Variants in TAF4B observed in about 807,000 individuals in gnomAD.
TAF4B encodes the protein TATA-box binding protein associated factor 4b.
TAF4B carries 38 observed loss-of-function variants against 86.4 expected under a neutral mutation model. That is an observed-to-expected ratio of 0.44 (90% confidence interval 0.34 to 0.58). The LOEUF (loss-of-function observed/expected upper bound fraction) is 0.58, where lower values mean the gene tolerates loss of function less well. Among genes scored for constraint, TAF4B ranks in the 20% least tolerant of loss-of-function variants. The pLI is 0.02. For missense variants in TAF4B, 988 were observed against 1,027.6 expected (o/e 0.96, Z 0.53); for synonymous variants, 388 against 391.2 (o/e 0.99, Z 0.10).
At chr18:26,256,495 C>T (rs1443622514) in intron 1 of TAF4B, 2 of 610,980 alleles carry the variant, frequency 3.3e-6, no homozygotes, top group Non-Finnish European at 5.8e-6. Flanking sequence ...AGTTGTTTTT[C>T]TATTCTCTAT....
chr18:26,351,112 A>AC (rs1316656719), intron 13 of TAF4B, among the ~76,000 whole-genome samples: 1 of 152,194 alleles, frequency 6.6e-6, no homozygotes, highest in African/African-American at 2.4e-5. Context: ...TGTGGAATCA[A>AC]CCCAGGTGTT....
intron 14 of TAF4B, among the ~76,000 whole-genome samples, chr18:26,381,916 G>T (rs551193784): frequency 2.6e-5 from 4 of 151,518 alleles, no homozygotes; most frequent in Non-Finnish European, 4.4e-5. Context: ...AATAAAAATG[G>T]TTTTTTTATG....
intron 5 of TAF4B, among the ~76,000 whole-genome samples, chr18:26,278,379 A>G (rs2056407802): frequency 6.6e-6 from 1 of 152,154 alleles, no homozygotes; most frequent in East Asian, 1.9e-4. Context: ...ATACTAGCTC[A>G]CTGCAGCCTC....
chr18:26,274,656 A>G lies in TAF4B; in HGVS notation c.598-7A>G, dbSNP rs2056360632. On this transcript the variant is annotated splice_region_variant and splice_polypyrimidine_tract_variant and intron_variant, in intron 3 of 14. Transcript: ENST00000269142. ...CATGCCTAAATATTTAATACCTTTA[A>G]TTTCAGTCTGTGGCTGTGCCAACCA... 1 of 1,614,102 alleles carries G rather than the reference A, an allele frequency of 6.2e-7. No homozygotes were observed. Among genetic ancestry groups the G allele is most frequent in the Non-Finnish European group, 8.5e-7 (1 of 1,179,984 alleles).
At chr18:26,297,189 G>T (rs1198339229) in intron 9 of TAF4B, among the ~76,000 whole-genome samples, 1 of 151,718 alleles carries the variant, frequency 6.6e-6, no homozygotes, top group Non-Finnish European at 1.5e-5. Context: ...TTTATTTGGG[G>T]AGAAAGAATT....
chr18:26,271,056 A>G (rs1321941808), intron 3 of TAF4B, among the ~76,000 whole-genome samples: 1 of 152,232 alleles, frequency 6.6e-6, no homozygotes, highest in African/African-American at 2.4e-5. Flanking sequence ...GGAAATTAGT[A>G]AAGAATGAAG....
intron 9 of TAF4B, among the ~76,000 whole-genome samples, chr18:26,297,237 G>T (rs1233197215): frequency 1.3e-5 from 2 of 152,060 alleles, no homozygotes; most frequent in Non-Finnish European, 2.9e-5. Flanking sequence ...ATCATCTCTG[G>T]TATGTCCGAA....
In TAF4B at chr18:26,293,529, C is replaced by A; in HGVS notation, c.1830C>A (p.Phe610Leu). The A allele has an allele frequency of 1.3e-6, 2 of 1,544,174 alleles. No homozygotes were observed. Among genetic ancestry groups the A allele is most frequent in the South Asian group, 1.2e-5 (1 of 80,314 alleles). The change falls in exon 9 of 15, where the codon TTC becomes TTA. Residue 610 changes from phenylalanine (F) to leucine (L), a missense_variant and splice_region_variant. Around this residue, in one of 3 missense-constraint regions of TAF4B, gnomAD observed 747 missense variants for 737.9 expected, o/e 1.01. Transcript: ENST00000269142. The part of the protein sequence containing the change: ...NRIKENVTSC[F>L]RDEDDINDVT... ...TAAAAGAGAATGTAACATCATGCTT[C>A]CGGTAAGAAAATAAATAGTTAAATT...
chr18:26,242,028 G>T (rs1157489561), intron 1 of TAF4B, among the ~76,000 whole-genome samples: 1 of 152,200 alleles, frequency 6.6e-6, no homozygotes, highest in African/African-American at 2.4e-5. Context: ...TTTGGAATAA[G>T]TGCTACGTGG....
intron 14 of TAF4B, among the ~76,000 whole-genome samples, chr18:26,365,836 C>A (rs1194996337): frequency 6.6e-6 from 1 of 152,150 alleles, no homozygotes; most frequent in Non-Finnish European, 1.5e-5. Flanking sequence ...ATCACCCAGG[C>A]TGGAGAGCAG....
At chr18:26,347,877 A>C (rs138063217) in intron 13 of TAF4B, among the ~76,000 whole-genome samples, 1 of 152,362 alleles carries the variant, frequency 6.6e-6, no homozygotes, top group Non-Finnish European at 1.5e-5. Context: ...ACAATTGTGA[A>C]TATATATGTG....
chr18:26,364,117 A>G (rs2057351556), intron 14 of TAF4B, among the ~76,000 whole-genome samples: 1 of 152,204 alleles, frequency 6.6e-6, no homozygotes. Context: ...TATAATTTAT[A>G]TATTAACCTA....
intron 11 of TAF4B, among the ~76,000 whole-genome samples, chr18:26,326,811 A>G (rs2057008559): frequency 6.6e-6 from 1 of 152,158 alleles, no homozygotes; most frequent in South Asian, 2.1e-4. Context: ...TCATCTCTCA[A>G]ATTTTAAGAA....
chr18:26,243,429 C>T (rs928965156), intron 1 of TAF4B, among the ~76,000 whole-genome samples: 3 of 152,168 alleles, frequency 2.0e-5, no homozygotes, highest in African/African-American at 7.2e-5. Flanking sequence ...TTTCAGCTCC[C>T]TCAGGTCATT....
At chr18:26,363,849 A>C (rs2057349476) in intron 14 of TAF4B, among the ~76,000 whole-genome samples, 1 of 152,172 alleles carries the variant, frequency 6.6e-6, no homozygotes, top group Non-Finnish European at 1.5e-5. Flanking sequence ...TGGGAGTAGA[A>C]TCTAGTTCTT....
At chr18:26,347,163 G>A (rs771554064) in intron 13 of TAF4B, among the ~76,000 whole-genome samples, 21 of 151,222 alleles carry the variant, frequency 1.4e-4, no homozygotes, top group African/African-American at 3.4e-4. Context: ...CTTGTGATCC[G>A]TCCGCCTCGG....
At chr18:26,369,930 C>A (rs1328103425) in intron 14 of TAF4B, among the ~76,000 whole-genome samples, 1 of 152,144 alleles carries the variant, frequency 6.6e-6, no homozygotes, top group African/African-American at 2.4e-5. Context: ...GTTCTCTGGT[C>A]TAATCAGATC....
rs116532120 is a variant in TAF4B, at chr18:26,280,741, A to G, written c.883-1230A>G. On this transcript the variant is annotated intron_variant, in intron 5 of 14. Coordinates refer to ENST00000269142, the MANE Select transcript of TAF4B (RefSeq NM_005640.3). ...TTAGCTACTGTGGAAAGCGGTTTGA[A>G]GATTTCTTAAAGAACTAAAAATAGA... Among the ~76,000 whole-genome samples the G allele has an allele frequency of 8.1e-3, 1,241 of 152,310 alleles. 18 individuals carry two copies. The highest frequency in any genetic ancestry group is 0.029 in the African/African-American group (1,190 of 41,558).
intron 9 of TAF4B, among the ~76,000 whole-genome samples, chr18:26,297,176 C>T (rs1219292205): frequency 6.7e-6 from 1 of 149,716 alleles, no homozygotes; most frequent in Non-Finnish European, 1.5e-5. Flanking sequence ...CTAAATTTAA[C>T]ATTTTATTTG....
Sources: gnomAD v4.1 joint callset for allele counts (sites outside exome capture counted in the v4.1 genomes callset) on GRCh38, gnomAD v4.1.1 for gene constraint, gnomAD v4.1.1 regional missense constraint, MANE v1.5 for transcripts, NCBI Gene and HGNC (gene_info 2026-07-23, HGNC 2026-07-21) for gene names.